DOCK2: variants seen among roughly 807,000 people sequenced by gnomAD.
The protein encoded by DOCK2 is dedicator of cytokinesis protein 2.
Under a neutral mutation model 248.9 loss-of-function variants are expected in DOCK2, and 87 were observed. The ratio of observed to expected loss-of-function variants is 0.35; its 90% CI spans 0.29 to 0.42. The LOEUF (loss-of-function observed/expected upper bound fraction) is 0.42. Among genes scored for constraint, DOCK2 ranks in the 10% least tolerant of loss-of-function variants. DOCK2 has a pLI of 1.00. For missense variants in DOCK2, 1,747 were observed against 2,300.2 expected, an observed-to-expected ratio of 0.76 and a Z score of 4.92; for synonymous variants, 805 against 821.6, an observed-to-expected ratio of 0.98 and a Z score of 0.35.
chr5:169,824,169 T>A (rs1176535388), intron 26 of DOCK2, among the ~76,000 whole-genome samples: 5 of 152,208 alleles, frequency 3.3e-5, no homozygotes, highest in Admixed American at 2.6e-4. Context: ...GTAGGAAGAA[T>A]CAATATCGTG....
At chr5:169,842,852 T>A (rs1770070336) in intron 27 of DOCK2, among the ~76,000 whole-genome samples, 1 of 152,226 alleles carries the variant, frequency 6.6e-6, no homozygotes, top group Non-Finnish European at 1.5e-5. Flanking sequence ...AACTACTCAG[T>A]ACTGCCAGTC....
At chr5:170,057,298 C>A in intron 43 of DOCK2, 1 of 474,880 alleles carries the variant, frequency 2.1e-6, no homozygotes, top group Admixed American at 3.5e-5. Flanking sequence ...CCCGAGAAAA[C>A]AAATGGACAC....
intron 1 of DOCK2, among the ~76,000 whole-genome samples, chr5:169,642,018 G>A (rs1757177412): frequency 6.6e-6 from 1 of 152,178 alleles, no homozygotes; most frequent in South Asian, 2.1e-4. Context: ...CTATGAGGTG[G>A]GGTCACATGG....
intron 13 of DOCK2, among the ~76,000 whole-genome samples, chr5:169,700,562 G>A (rs761640497): frequency 2.0e-5 from 3 of 150,782 alleles, no homozygotes; most frequent in African/African-American, 2.4e-5. Flanking sequence ...AGGAATTTGT[G>A]TTCATTGTAA....
At chr5:169,936,136 C>T (rs1775982635) in intron 27 of DOCK2, among the ~76,000 whole-genome samples, 1 of 152,130 alleles carries the variant, frequency 6.6e-6, no homozygotes, top group South Asian at 2.1e-4. Context: ...CCTGTCTGCC[C>T]TTGAGGAGAT....
At chr5:169,934,645 T>C (rs773864927) in intron 27 of DOCK2, 14 of 456,144 alleles carry the variant, frequency 3.1e-5, no homozygotes, top group South Asian at 2.2e-4. Context: ...GTCTCCTTCC[T>C]TTCTAGGATG....
At position 169,700,022 on chromosome 5, in the gene DOCK2, G is replaced by T; in HGVS notation, c.1141G>T (p.Val381Leu). Residue 381 changes from valine (V) to leucine (L), a missense_variant, in exon 13 of 52, where the codon GTG becomes TTG. Around this residue, in one of 4 missense-constraint regions of DOCK2, gnomAD observed 375 missense variants for 510.9 expected, o/e 0.73. Transcript: ENST00000520908. ...GAGCTGTTCCTTTGCAGGCCTCTGGGTGACCATGAAGATGCTGGTGGGTGA... is the reference window on the plus strand; with the variant it reads ...GAGCTGTTCCTTTGCAGGCCTCTGGTTGACCATGAAGATGCTGGTGGGTGA... ...KGDSGGQGLW[V>L]TMKMLVGDII... 2.5e-6 allele frequency: 4 copies of T among 1,613,826 alleles called. No homozygotes were observed. The highest frequency in any genetic ancestry group is 3.4e-6 in the Non-Finnish European group (4 of 1,179,786).
chr5:169,683,345 T>A (rs1759772276), intron 7 of DOCK2, among the ~76,000 whole-genome samples: 1 of 152,174 alleles, frequency 6.6e-6, no homozygotes, highest in Admixed American at 6.5e-5. Context: ...TTGTTCTACC[T>A]CAGCCTCCCA....
intron 27 of DOCK2, among the ~76,000 whole-genome samples, chr5:169,847,416 T>G (rs1770379695): frequency 6.6e-6 from 1 of 152,214 alleles, no homozygotes; most frequent in Admixed American, 6.5e-5. Context: ...TATCTTATTG[T>G]GGTTTTAATT....
At chr5:169,734,198 A>C (rs966597981) in intron 22 of DOCK2, among the ~76,000 whole-genome samples, 1 of 152,038 alleles carries the variant, frequency 6.6e-6, no homozygotes, top group Admixed American at 6.5e-5. Context: ...TTTCAATTAC[A>C]ATATTATTTT....
intron 27 of DOCK2, among the ~76,000 whole-genome samples, chr5:169,971,059 G>A (rs1777486704): frequency 6.6e-6 from 1 of 152,074 alleles, no homozygotes; most frequent in Admixed American, 6.6e-5. Context: ...ACGGGGAGAG[G>A]GAGTCAGCAG....
At chr5:169,691,194 C>A (rs1183423249) in intron 9 of DOCK2, among the ~76,000 whole-genome samples, 2 of 152,122 alleles carry the variant, frequency 1.3e-5, no homozygotes, top group African/African-American at 4.8e-5. Context: ...TTTTAAACAA[C>A]CAGGTCTTAG....
chr5:170,013,840 G>A (rs1007635061), intron 32 of DOCK2, among the ~76,000 whole-genome samples: 15 of 152,116 alleles, frequency 9.9e-5, no homozygotes, highest in African/African-American at 3.4e-4. Context: ...AGTAGCTGGG[G>A]TTAAAACCCG....
In DOCK2 at chr5:169,918,479, G is replaced by A. The variant is rs75298390; in HGVS notation, c.2800-64589G>A. Among the ~76,000 whole-genome samples, 743 of 152,312 alleles carry A rather than the reference G, an allele frequency of 4.9e-3. 11 individuals carry two copies. Among genetic ancestry groups the A allele is most frequent in the African/African-American group, 0.017 (692 of 41,566 alleles). On this transcript the variant is annotated intron_variant, in intron 27 of 51. Transcript: ENST00000520908. ...GCCAAATGAACTACAGAATATTCAT[G>A]CTGAGAGCATCATCTCACAGTTAAA...
chr5:170,026,386 C>T (rs1003139686), intron 33 of DOCK2, among the ~76,000 whole-genome samples: 1 of 152,178 alleles, frequency 6.6e-6, no homozygotes, highest in Admixed American at 6.5e-5. Context: ...GCTGGCTGCT[C>T]TTCATGCATT....
At chr5:169,852,903 A>G (rs970936703) in intron 27 of DOCK2, among the ~76,000 whole-genome samples, 2 of 152,156 alleles carry the variant, frequency 1.3e-5, no homozygotes, top group African/African-American at 4.8e-5. Context: ...GGAAGGAGAA[A>G]TCCTATCATG....
chr5:169,929,139 C>G (rs1251747391), intron 27 of DOCK2, among the ~76,000 whole-genome samples: 1 of 152,162 alleles, frequency 6.6e-6, no homozygotes, highest in Non-Finnish European at 1.5e-5. Context: ...ATGCAGGAAG[C>G]CCACGCACAT....
intron 1 of DOCK2, among the ~76,000 whole-genome samples, chr5:169,641,402 C>A (rs1252485802): frequency 1.3e-5 from 2 of 152,212 alleles, no homozygotes; most frequent in Non-Finnish European, 1.5e-5. Context: ...GATGCTGTCG[C>A]AGCCCAGGAC....
chr5:169,939,794 T>C (rs185932794), intron 27 of DOCK2, among the ~76,000 whole-genome samples: 46 of 152,102 alleles, frequency 3.0e-4, no homozygotes, highest in Admixed American at 3.0e-3. Context: ...CTAAAAAATA[T>C]AAGAAAGGTA....
Sources: allele counts gnomAD v4.1 joint callset (sites outside exome capture counted in the v4.1 genomes callset), GRCh38; gene constraint gnomAD v4.1.1; regional missense constraint gnomAD v4.1.1; transcripts MANE v1.5; gene names NCBI Gene and HGNC (gene_info 2026-07-23, HGNC 2026-07-21).